Variants in RFX3 observed in about 807,000 individuals in gnomAD.
The protein encoded by RFX3 is transcription factor RFX3.
RFX3 carries 14 observed loss-of-function variants against 98.6 expected under a neutral mutation model. That is an observed-to-expected ratio of 0.14 (90% CI 0.09 to 0.22). The LOEUF (loss-of-function observed/expected upper bound fraction) is 0.22, where lower values mean the gene tolerates loss of function less well. Among genes scored for constraint, RFX3 ranks in the 10% least tolerant of loss-of-function variants. RFX3 has a pLI of 1.00. For missense variants in RFX3, 639 were observed against 926.9 expected, an observed-to-expected ratio of 0.69 and a Z score of 4.03; for synonymous variants, 383 against 328.4, an observed-to-expected ratio of 1.17 and a Z score of -1.80.
intron 14 of RFX3, among the ~76,000 whole-genome samples, chr9:3,252,922 T>C (rs754541040): frequency 1.3e-5 from 2 of 152,254 alleles, no homozygotes; most frequent in African/African-American, 2.4e-5. Flanking sequence ...ATTAACGCTA[T>C]GTCTACTTTA....
chr9:3,445,895 C>G (rs974266629), intron 1 of RFX3, among the ~76,000 whole-genome samples: 1 of 152,100 alleles, frequency 6.6e-6, no homozygotes, highest in Non-Finnish European at 1.5e-5. Context: ...GAAGTTTTAT[C>G]TTTCCAGGAT....
At position 3,289,735 on chromosome 9, in the gene RFX3, G is replaced by A. The variant is rs377762034; in HGVS notation, c.732-1485C>T. ...GGTTGGGGGAGAGAAGCATATCCATGGTCTTCTTTACTCAAATTTAACTTG... is the reference window on the plus strand; with the variant it reads ...GGTTGGGGGAGAGAAGCATATCCATAGTCTTCTTTACTCAAATTTAACTTG... On this transcript the variant is annotated intron_variant, in intron 6 of 16. Transcript: ENST00000617270. Among the ~76,000 whole-genome samples, 3 of 152,036 alleles carry A rather than the reference G, an allele frequency of 2.0e-5. No individual in the cohort carries two copies. The East Asian group carries it at 5.8e-4, about 29-fold the overall frequency.
intron 1 of RFX3, among the ~76,000 whole-genome samples, chr9:3,439,707 A>G (rs1845459441): frequency 6.6e-6 from 1 of 152,042 alleles, no homozygotes; most frequent in Non-Finnish European, 1.5e-5. Flanking sequence ...ACATTTAAAG[A>G]ATAAACAATA....
intron 1 of RFX3, among the ~76,000 whole-genome samples, chr9:3,478,916 C>G (rs1849502182): frequency 6.6e-6 from 1 of 152,118 alleles, no homozygotes; most frequent in Non-Finnish European, 1.5e-5. Context: ...TTTTCTTCCC[C>G]CAACTGAGCT....
intron 3 of RFX3, among the ~76,000 whole-genome samples, chr9:3,333,207 CAT>C (rs894114285): frequency 2.6e-5 from 4 of 152,096 alleles, no homozygotes; most frequent in Admixed American, 6.5e-5. Flanking sequence ...TTTGTTAAAA[CAT>C]GAGAAATTAT....
chr9:3,388,411 T>G (rs2131821549), intron 2 of RFX3, among the ~76,000 whole-genome samples: 1 of 152,256 alleles, frequency 6.6e-6, no homozygotes, highest in African/African-American at 2.4e-5. Flanking sequence ...TTTTATCTTT[T>G]TGACCACAAG....
chr9:3,463,491 A>C (rs1372209694), intron 1 of RFX3, among the ~76,000 whole-genome samples: 1 of 152,154 alleles, frequency 6.6e-6, no homozygotes, highest in African/African-American at 2.4e-5. Flanking sequence ...AAAAAAATCA[A>C]TAAATTGGGC....
At chr9:3,485,460 C>T (rs936846169) in intron 1 of RFX3, among the ~76,000 whole-genome samples, 1 of 152,206 alleles carries the variant, frequency 6.6e-6, no homozygotes, top group East Asian at 1.9e-4. Flanking sequence ...TCAGGTTTGA[C>T]TCACTCAAAA....
intron 1 of RFX3, among the ~76,000 whole-genome samples, chr9:3,490,760 A>G (rs1850663591): frequency 6.6e-6 from 1 of 152,174 alleles, no homozygotes; most frequent in Non-Finnish European, 1.5e-5. Flanking sequence ...AAAAGTGAGA[A>G]TGATTTAGCA....
chr9:3,411,576 A>T lies in RFX3; in HGVS notation c.-8-15980T>A, dbSNP rs185059910. On this transcript the variant is annotated intron_variant, in intron 1 of 16. Transcript: ENST00000617270. ...GGGAAGCCTCCGCCTCCTGGGTTCA[A>T]GTGATCCTCCCACCCCAGCCTCCCG... 4.0e-3 allele frequency among the ~76,000 whole-genome samples: 606 copies of T among 151,918 alleles called. 1 individual carries two copies. The highest frequency in any genetic ancestry group is 0.014 in the African/African-American group (573 of 41,460).
At chr9:3,323,163 A>T (rs1831503952) in intron 4 of RFX3, among the ~76,000 whole-genome samples, 1 of 152,232 alleles carries the variant, frequency 6.6e-6, no homozygotes, top group African/African-American at 2.4e-5. Flanking sequence ...GTACTGAGAA[A>T]GTGGTAATCA....
At chr9:3,368,230 T>G (rs939805182) in intron 2 of RFX3, among the ~76,000 whole-genome samples, 2 of 152,014 alleles carry the variant, frequency 1.3e-5, no homozygotes, top group African/African-American at 2.4e-5. Flanking sequence ...TATAGCTGAT[T>G]TATATAATTT....
chr9:3,253,169 C>T (rs1586749502), intron 14 of RFX3, among the ~76,000 whole-genome samples: 3 of 152,188 alleles, frequency 2.0e-5, no homozygotes, highest in East Asian at 1.9e-4. Flanking sequence ...TAACTCATGG[C>T]GTGGAAATTG....
At chr9:3,292,406 G>A (rs1198906266) in intron 6 of RFX3, among the ~76,000 whole-genome samples, 1 of 151,932 alleles carries the variant, frequency 6.6e-6, no homozygotes, top group Non-Finnish European at 1.5e-5. Flanking sequence ...TCTTCACATT[G>A]TTTCAATTCA....
At chr9:3,254,069 T>C (rs1485671899) in intron 14 of RFX3, among the ~76,000 whole-genome samples, 1 of 152,120 alleles carries the variant, frequency 6.6e-6, no homozygotes, top group Non-Finnish European at 1.5e-5. Flanking sequence ...ATAACTATAA[T>C]AGTATCTAAT....
chr9:3,378,260 T>C (rs1380480773), intron 2 of RFX3, among the ~76,000 whole-genome samples: 1 of 152,206 alleles, frequency 6.6e-6, no homozygotes, highest in East Asian at 1.9e-4. Context: ...TGCCCTTTTC[T>C]TGTTTCTGCC....
In RFX3 at chr9:3,499,782, T is replaced by C. The variant is rs540642582; in HGVS notation, c.-9+25965A>G. 5.3e-5 allele frequency among the ~76,000 whole-genome samples: 8 copies of C among 152,292 alleles called. No individual in the cohort carries two copies. In the South Asian group the frequency reaches 1.7e-3, roughly 32 times the overall value. ...ACCACACACACAAAAATAATAATCATCTTAACTATGAAAATCTATCCAGGA... is the reference window on the plus strand; with the variant it reads ...ACCACACACACAAAAATAATAATCACCTTAACTATGAAAATCTATCCAGGA... On this transcript the variant is annotated intron_variant, in intron 1 of 16. Transcript: ENST00000617270.
intron 1 of RFX3, among the ~76,000 whole-genome samples, chr9:3,424,570 C>T (rs1174780645): frequency 6.6e-6 from 1 of 151,542 alleles, no homozygotes. Flanking sequence ...CCGTGTTAGC[C>T]GGGATGGTCT....
At chr9:3,439,550 C>G (rs1845450627) in intron 1 of RFX3, among the ~76,000 whole-genome samples, 1 of 152,042 alleles carries the variant, frequency 6.6e-6, no homozygotes, top group South Asian at 2.1e-4. Flanking sequence ...AATTTAATAG[C>G]AGAAGTAATC....
Sources: allele counts gnomAD v4.1 joint callset (sites outside exome capture counted in the v4.1 genomes callset), GRCh38; gene constraint gnomAD v4.1.1; transcripts MANE v1.5; gene names NCBI Gene and HGNC (gene_info 2026-07-23, HGNC 2026-07-21).